Variants in KRT72 observed in about 807,000 individuals in gnomAD.
KRT72 encodes the protein keratin 72.
KRT72 carries 44 observed loss-of-function variants against 44.7 expected under a neutral mutation model. The ratio of observed to expected loss-of-function variants is 0.98; its 90% CI spans 0.77 to 1.27. The LOEUF (loss-of-function observed/expected upper bound fraction) is 1.27, where lower values mean the gene tolerates loss of function less well. KRT72 is among the 50% of genes most tolerant of loss of function. The probability of loss-of-function intolerance (pLI) is 0.00; values close to 1 mark genes in which losing one functional copy is unlikely to be tolerated. For synonymous variants in KRT72, 302 were observed against 280.4 expected, an observed-to-expected ratio of 1.08 and a Z score of -0.77; for missense variants, 736 against 667.1, an observed-to-expected ratio of 1.10 and a Z score of -1.14.
intron 2 of KRT72, 99 bp downstream of exon 2, chr12:52,598,799 G>T: frequency 3.1e-6 from 3 of 964,000 alleles, no homozygotes; most frequent in Non-Finnish European, 3.3e-6. Context: ...TCCCTCCCCC[G>T]GTATCAGCAA....
chr12:52,593,058 G>C, intron 2 of KRT72, 106 bp from the exon 3 acceptor site: 1 of 957,256 alleles, frequency 1.0e-6, no homozygotes, highest in South Asian at 1.8e-5. Context: ...TTCAAACTGG[G>C]ATTCCCATAC....
Position 52,588,048 on chromosome 12 carries a change from G to A in KRT72, c.1090-197C>T, listed in dbSNP as rs1057296735. Among the ~76,000 whole-genome samples the A allele has an allele frequency of 7.2e-5, 11 of 152,320 alleles. No individual in the cohort carries two copies. The East Asian group carries it at 2.1e-3, about 29-fold the overall frequency. On this transcript the variant is annotated intron_variant, in intron 6 of 8. Transcript: ENST00000293745. ...ATGGTTCACCCTGGCTCATGCCTCT[G>A]CATCTGAAAGTAGAAAACCTTCACC...
intron 8 of KRT72, among the ~76,000 whole-genome samples, chr12:52,586,611 C>T (rs1289022604): frequency 6.6e-6 from 1 of 152,268 alleles, no homozygotes; most frequent in Non-Finnish European, 1.5e-5. Flanking sequence ...TTCATTCCAT[C>T]ACTCAACCCT....
At chr12:52,587,479 T>C in intron 7 of KRT72, 152 bp downstream of exon 7, 1 of 800,574 alleles carries the variant, frequency 1.2e-6, no homozygotes, top group Non-Finnish European at 2.0e-6. Flanking sequence ...TTTCTTGCTG[T>C]CTAACTTTGG....
rs755607003 is a variant in KRT72, at chr12:52,587,642, G to A, written c.1299C>T (p.Ser433=). The change falls in exon 7 of 9, where the codon AGC becomes AGT. Residue 433 remains serine, a synonymous_variant. Coordinates refer to ENST00000293745, the MANE Select transcript of KRT72 (RefSeq NM_080747.3). The stretch of plus-strand genomic sequence containing the variant: ...ATCCGGCCCCTCACCTGCACTCCTC[G>A]CTCTCCAGCAGCTTGCGGTAGGTGG... ...EIATYRKLLE[S]EECRMSGEYP... 10 of 1,614,100 alleles carry A rather than the reference G, an allele frequency of 6.2e-6. No individual in the cohort carries two copies. The highest frequency in any genetic ancestry group is 2.7e-5 in the African/African-American group (2 of 75,014).
rs1940310165 is a variant in KRT72 at position 52,598,886 on chromosome 12, C to A, written c.641+12G>T. Reference sequence around the variant, plus strand: ...AGATCCTCCAGGGCCATATTCCCTGCCACTCACTCACCTCTTCTTGTAGTC... The same window carrying A: ...AGATCCTCCAGGGCCATATTCCCTGACACTCACTCACCTCTTCTTGTAGTC... On this transcript the variant is annotated intron_variant, in intron 2 of 8. Coordinates refer to ENST00000293745, the MANE Select transcript of KRT72 (RefSeq NM_080747.3). 2 of 1,612,496 alleles carry A rather than the reference C, an allele frequency of 1.2e-6. No homozygotes were observed. Among genetic ancestry groups the A allele is most frequent in the Non-Finnish European group, 1.7e-6 (2 of 1,178,480 alleles).
chr12:52,587,855 A>G lies in KRT72; in HGVS notation c.1090-4T>C. On this transcript the variant is annotated splice_polypyrimidine_tract_variant and splice_region_variant and intron_variant, in intron 6 of 8. Transcript: ENST00000293745. ...TGGCCGTCTCCAGATCGGCACACTG[A>G]GGGGCAAACAGATCCAGCACTTAAG... 3.1e-6 allele frequency: 5 copies of G among 1,613,066 alleles called. No individual in the cohort carries two copies. The highest frequency in any genetic ancestry group is 4.2e-6 in the Non-Finnish European group (5 of 1,179,328).
Position 52,591,499 on chromosome 12 carries a change from T to A in KRT72, c.928A>T (p.Ser310Cys). Residue 310 changes from serine to cysteine, a missense_variant, in exon 5 of 9, where the codon AGC becomes TGC. Coordinates refer to ENST00000293745, the MANE Select transcript of KRT72 (RefSeq NM_080747.3). ...TACAGGGTCTCAGCCTCGGCCTTGC[T>A]CTTTAGGGCAATCTCCTCGTACTGG... Reference protein sequence around the residue: ...RAQYEEIALKSKAEAETLYQT... With the variant: ...RAQYEEIALKCKAEAETLYQT... 3.1e-6 allele frequency: 5 copies of A among 1,614,022 alleles called. No homozygotes were observed. Among genetic ancestry groups the A allele is most frequent in the Non-Finnish European group, 4.2e-6 (5 of 1,179,944 alleles).
intron 2 of KRT72, among the ~76,000 whole-genome samples, chr12:52,596,694 A>G (rs996519571): frequency 1.3e-4 from 20 of 151,914 alleles, no homozygotes; most frequent in African/African-American, 4.8e-4. Context: ...GGGAACACAG[A>G]CGCACGCCAC....
chr12:52,598,765 A>G (rs569904783), intron 2 of KRT72, 133 bp downstream of exon 2: 142 of 723,080 alleles, frequency 2.0e-4, no homozygotes, highest in Non-Finnish European at 2.8e-4. Flanking sequence ...TTCTTTTCCT[A>G]GTTCCATTCT....
intron 6 of KRT72, among the ~76,000 whole-genome samples, chr12:52,589,699 C>A (rs765676213): frequency 2.0e-5 from 3 of 151,984 alleles, no homozygotes; most frequent in Non-Finnish European, 2.9e-5. Flanking sequence ...TAGCTGAGGG[C>A]CCTCAAAAGG....
At chr12:52,590,141 G>A (rs1460776971) in intron 6 of KRT72, among the ~76,000 whole-genome samples, 1 of 152,116 alleles carries the variant, frequency 6.6e-6, no homozygotes, top group Non-Finnish European at 1.5e-5. Context: ...ACAAACTTGA[G>A]GACTCATGGG....
rs78269657 is a variant in KRT72 at position 52,590,262 on chromosome 12, C to A, written c.1089+574G>T. Among the ~76,000 whole-genome samples, 62 of 152,338 alleles carry A rather than the reference C, an allele frequency of 4.1e-4. 6 individuals are homozygous for A. The East Asian group carries it at 0.012, about 29-fold the overall frequency. On this transcript the variant is annotated intron_variant, in intron 6 of 8. Coordinates refer to ENST00000293745, the MANE Select transcript of KRT72 (RefSeq NM_080747.3). ...ACAGCACTAGTGCAGGAAGGCCCCACGCTAGTGCAGGGCCCTGAGCCCGAT... is the reference window on the plus strand; with the variant it reads ...ACAGCACTAGTGCAGGAAGGCCCCAAGCTAGTGCAGGGCCCTGAGCCCGAT...
chr12:52,601,936 G>A (rs35147266), upstream of KRT72, among the ~76,000 whole-genome samples: 32,494 of 152,052 alleles, frequency 0.21, 3,937 homozygotes, highest in South Asian at 0.34. Flanking sequence ...ATCATCCTTA[G>A]CCTGTCCTCC....
At chr12:52,589,821 A>C (rs951521066) in intron 6 of KRT72, among the ~76,000 whole-genome samples, 52 of 152,218 alleles carry the variant, frequency 3.4e-4, no homozygotes, top group Admixed American at 2.1e-3. Context: ...GTCCAACCAT[A>C]AACACATAGC....
intron 6 of KRT72, among the ~76,000 whole-genome samples, chr12:52,588,217 G>T (rs1939856691): frequency 6.6e-6 from 1 of 152,224 alleles, no homozygotes; most frequent in Non-Finnish European, 1.5e-5. Context: ...ATTTCATTCA[G>T]CTCTGCAGTG....
intron 1 of KRT72, among the ~76,000 whole-genome samples, chr12:52,600,737 T>C (rs1419094392): frequency 1.3e-5 from 2 of 152,122 alleles, no homozygotes; most frequent in African/African-American, 4.8e-5. Context: ...TCTTTTTTTT[T>C]TTCCCAGTCT....
rs764921084 is a variant in KRT72 at position 52,601,322 on chromosome 12, A to G, written c.131T>C (p.Phe44Ser). 6.5e-7 allele frequency: 1 copy of G among 1,546,546 alleles called. No homozygotes were observed. Among genetic ancestry groups the G allele is most frequent in the South Asian group, 1.2e-5 (1 of 84,140 alleles). The change falls in exon 1 of 9, where the codon TTT (phenylalanine) becomes TCT (serine). Residue 44 changes from phenylalanine (F) to serine (S), a missense_variant. Coordinates refer to ENST00000293745, the MANE Select transcript of KRT72 (RefSeq NM_080747.3). ...FRARVKGSAS[F>S]GSKSLSCLGG... The stretch of plus-strand genomic sequence containing the variant: ...AAGGCAGGAGAGGCTCTTGCTGCCA[A>G]AGGAGGCCGAGCCCTTGACCCGGGC...
Position 52,586,126 on chromosome 12 carries a change from G to C in KRT72, c.1392C>G (p.Ser464Arg). 1 of 1,614,124 alleles carries C rather than the reference G, an allele frequency of 6.2e-7. No homozygotes were observed. The highest frequency in any genetic ancestry group is 2.2e-5 in the East Asian group (1 of 44,878). ...TNAGAGGAGFSMGFGASSSYS... is the reference protein window; with the variant it reads ...TNAGAGGAGFRMGFGASSSYS... ...AACTGCTTGAGGCGCCAAAGCCCAT[G>C]CTGAAGCCAGCCCCTCCTGCCCCAG... The change falls in exon 9 of 9, where the codon AGC becomes AGG. Residue 464 changes from serine to arginine, a missense_variant. By Grantham distance (110) the Ser-to-Arg change is moderately radical. Transcript: ENST00000293745.
Sources: gnomAD v4.1 joint callset for allele counts (sites outside exome capture counted in the v4.1 genomes callset) on GRCh38, gnomAD v4.1.1 for gene constraint, MANE v1.5 for transcripts, NCBI Gene and HGNC (gene_info 2026-07-23, HGNC 2026-07-21) for gene names.